The following ELP4 variants were observed in gnomAD, a reference collection of about 807,000 sequenced individuals.
The protein encoded by ELP4 is elongator acetyltransferase complex subunit 4, also known as elongator complex protein 4.
ELP4 carries 51 observed loss-of-function variants against 48.9 expected under a neutral mutation model. The observed-to-expected ratio is 1.04, with a 90% CI of 0.83 to 1.32. The LOEUF is 1.32. Among genes scored for constraint, ELP4 ranks in the 40% most tolerant of loss-of-function variants. ELP4 has a pLI of 0.00. For missense variants in ELP4, 519 were observed against 514.6 expected (o/e 1.01, Z -0.08); for synonymous variants, 210 against 189.2 (o/e 1.11, Z -0.90).
chr11:31,674,005 G>T (rs1333316973), intron 9 of ELP4, among the ~76,000 whole-genome samples: 1 of 152,164 alleles, frequency 6.6e-6, no homozygotes, highest in African/African-American at 2.4e-5. Flanking sequence ...GATATAACTG[G>T]TTATTTAAGA....
chr11:31,725,970 A>G (rs1446164413), intron 9 of ELP4, among the ~76,000 whole-genome samples: 2 of 152,220 alleles, frequency 1.3e-5, no homozygotes, highest in Non-Finnish European at 1.5e-5. Context: ...TTTTTTACAT[A>G]TCGGTTTCCT....
intron 9 of ELP4, among the ~76,000 whole-genome samples, chr11:31,705,862 A>G (rs201643087): frequency 6.9e-6 from 1 of 144,702 alleles, no homozygotes; most frequent in South Asian, 2.2e-4. Context: ...TTGTTTGTTT[A>G]TTTTTTTAGA....
At chr11:31,588,940 G>A (rs564581877) in intron 3 of ELP4, among the ~76,000 whole-genome samples, 5 of 152,260 alleles carry the variant, frequency 3.3e-5, no homozygotes, top group Non-Finnish European at 5.9e-5. Flanking sequence ...CCAAGATCAC[G>A]CCACTGCATG....
At chr11:31,672,732 T>C (rs1402919169) in intron 9 of ELP4, among the ~76,000 whole-genome samples, 1 of 152,114 alleles carries the variant, frequency 6.6e-6, no homozygotes, top group Non-Finnish European at 1.5e-5. Flanking sequence ...AAGGCTATGG[T>C]GAGCCATGAT....
At chr11:31,552,454 A>G (rs917510324) in intron 3 of ELP4, among the ~76,000 whole-genome samples, 2 of 152,072 alleles carry the variant, frequency 1.3e-5, no homozygotes, top group East Asian at 1.9e-4. Flanking sequence ...GGAGATCTCA[A>G]ACATCACATG....
intron 9 of ELP4, among the ~76,000 whole-genome samples, chr11:31,695,788 A>T (rs4922572): frequency 1.9e-5 from 2 of 105,118 alleles, no homozygotes; most frequent in Non-Finnish European, 4.0e-5. Context: ...CTGTGAATCC[A>T]TCTGATCCTG....
intron 9 of ELP4, among the ~76,000 whole-genome samples, chr11:31,781,708 A>G (rs1371140296): frequency 1.3e-5 from 2 of 151,900 alleles, no homozygotes; most frequent in African/African-American, 4.8e-5. Context: ...CATATTGGCC[A>G]GGATGGTCTC....
rs559229794 is a variant in ELP4, at chr11:31,587,768, G to A, written c.382-7002G>A. Among the ~76,000 whole-genome samples the A allele has an allele frequency of 5.3e-5, 8 of 152,056 alleles. No homozygotes were observed. In the South Asian group the frequency reaches 1.0e-3, roughly 20 times the overall value. On this transcript the variant is annotated intron_variant, in intron 3 of 9. Transcript: ENST00000640961. ...TTACTTAATGTTACAATGATTGTCC[G>A]CAGGGGGTTTTGGCTTTTAAAATTT...
chr11:31,665,216 T>C (rs1199971879), intron 9 of ELP4, among the ~76,000 whole-genome samples: 1 of 152,148 alleles, frequency 6.6e-6, no homozygotes, highest in East Asian at 1.9e-4. Flanking sequence ...CTCTTCTTGA[T>C]GAGCCTGAGG....
At chr11:31,650,043 A>G in intron 8 of ELP4, 72 bp from the exon 9 acceptor site, 4 of 664,196 alleles carry the variant, frequency 6.0e-6, no homozygotes, top group South Asian at 1.9e-5. Context: ...GGATTCTGCT[A>G]TAAGACTGTT....
chr11:31,731,983 T>C (rs1254825804), intron 9 of ELP4, among the ~76,000 whole-genome samples: 1 of 151,780 alleles, frequency 6.6e-6, no homozygotes, highest in Non-Finnish European at 1.5e-5. Context: ...AATGGAGCAA[T>C]AAAGACTCTC....
At chr11:31,529,721 T>G (rs1956362591) in intron 2 of ELP4, among the ~76,000 whole-genome samples, 1 of 152,174 alleles carries the variant, frequency 6.6e-6, no homozygotes, top group South Asian at 2.1e-4. Flanking sequence ...TAGAATAGAT[T>G]GTGTAAACAA....
intron 5 of ELP4, among the ~76,000 whole-genome samples, chr11:31,605,103 T>A (rs1957850060): frequency 6.6e-6 from 1 of 152,040 alleles, no homozygotes; most frequent in East Asian, 1.9e-4. Flanking sequence ...CTTTCTTTTT[T>A]GCTTCACTGC....
intron 5 of ELP4, among the ~76,000 whole-genome samples, chr11:31,609,813 A>G (rs1193364804): frequency 1.3e-5 from 2 of 152,112 alleles, no homozygotes; most frequent in Non-Finnish European, 2.9e-5. Context: ...AGGAGGATCA[A>G]TCACTTGAGC....
intron 9 of ELP4, among the ~76,000 whole-genome samples, chr11:31,741,068 A>G (rs1303241369): frequency 2.0e-5 from 3 of 152,134 alleles, no homozygotes; most frequent in Non-Finnish European, 4.4e-5. Flanking sequence ...AATGGGCTTA[A>G]AAAGTGGCAC....
chr11:31,537,389 T>G (rs1264762205), intron 2 of ELP4, among the ~76,000 whole-genome samples: 3 of 127,896 alleles, frequency 2.3e-5, no homozygotes, highest in Non-Finnish European at 4.6e-5. Flanking sequence ...CCACATTACC[T>G]TGATTGCTGT....
intron 8 of ELP4, 70 bp from the exon 9 acceptor site, chr11:31,650,045 A>T: frequency 1.5e-6 from 1 of 667,874 alleles, no homozygotes; most frequent in Non-Finnish European, 2.7e-6. Flanking sequence ...ATTCTGCTAT[A>T]AGACTGTTTA....
At chr11:31,698,387 A>G (rs1946454229) in intron 9 of ELP4, among the ~76,000 whole-genome samples, 1 of 152,154 alleles carries the variant, frequency 6.6e-6, no homozygotes. Flanking sequence ...TCCTATGTAT[A>G]TGCTTACAAT....
At position 31,736,185 on chromosome 11, in the gene ELP4, A is replaced by C. The variant is rs1021538502; in HGVS notation, c.1144-47208A>C. ...GAAATAAAGCCGCATATCTACAACT[A>C]TCTGATCTTTGACAAACCTGAGAAA... On this transcript the variant is annotated intron_variant, in intron 9 of 9. Transcript: ENST00000640961. 2.0e-4 allele frequency among the ~76,000 whole-genome samples: 30 copies of C among 152,334 alleles called. 1 individual carries two copies. Among genetic ancestry groups the C allele is most frequent in the Middle Eastern group, 3.4e-3 (1 of 294 alleles).
Sources: allele counts gnomAD v4.1 joint callset (sites outside exome capture counted in the v4.1 genomes callset), GRCh38; gene constraint gnomAD v4.1.1; transcripts MANE v1.5; gene names NCBI Gene and HGNC (gene_info 2026-07-23, HGNC 2026-07-21).